CC2D2B: variants seen among roughly 807,000 people sequenced by gnomAD.
CC2D2B encodes protein CC2D2B.
Under a neutral mutation model 161.2 loss-of-function variants are expected in CC2D2B, and 128 were observed. The observed-to-expected ratio is 0.79, with a 90% confidence interval of 0.69 to 0.92. The LOEUF is 0.92. CC2D2B is among the 40% of genes least tolerant of loss of function. The probability of loss-of-function intolerance (pLI) is 0.00; values close to 1 mark genes in which losing one functional copy is unlikely to be tolerated. For synonymous variants in CC2D2B, 391 were observed against 449.8 expected (o/e 0.87, Z 1.65); for missense variants, 1,173 against 1,375.1 (o/e 0.85, Z 2.32).
chr10:95,962,955 AC>A (rs957900905), intron 12 of CC2D2B, among the ~76,000 whole-genome samples: 5 of 152,092 alleles, frequency 3.3e-5, no homozygotes, highest in African/African-American at 9.7e-5. Flanking sequence ...TCGTAGGGTT[AC>A]CCAGAACAAT....
chr10:95,949,873 G>T, intron 9 of CC2D2B, 23 bp from the exon 10 acceptor site: 1 of 398,406 alleles, frequency 2.5e-6, no homozygotes, highest in East Asian at 3.6e-5. Flanking sequence ...AATTAACATT[G>T]TGCACTTATT....
chr10:95,950,756 TAA>T (rs2076372287), intron 10 of CC2D2B, among the ~76,000 whole-genome samples: 1 of 152,204 alleles, frequency 6.6e-6, no homozygotes, highest in Non-Finnish European at 1.5e-5. Flanking sequence ...GCCGTCTCAA[TAA>T]ACTGGACATG....
rs1446589056 is a variant in CC2D2B at position 95,948,187 on chromosome 10, C to T, written c.802-1709C>T. On this transcript the variant is annotated intron_variant, in intron 9 of 34. Coordinates refer to ENST00000646931, the MANE Select transcript of CC2D2B (RefSeq NM_001349008.3). ...GTTCATATGGAACCAAAAAAGAGCC[C>T]GCATCGCCAAGTCAATCCTAAGCCA... is the stretch of plus-strand genomic sequence containing the variant. Among the ~76,000 whole-genome samples the T allele has an allele frequency of 2.7e-5, 4 of 149,502 alleles. No individual in the cohort carries two copies. In the Admixed American group the frequency reaches 2.7e-4, roughly 10 times the overall value.
intron 6 of CC2D2B, among the ~76,000 whole-genome samples, chr10:95,931,086 A>G (rs1188619916): frequency 1.3e-5 from 2 of 152,126 alleles, no homozygotes; most frequent in Non-Finnish European, 2.9e-5. Context: ...CTATTCAGGG[A>G]TTCGACTTCT....
Position 95,995,362 on chromosome 10 carries a change from T to G in CC2D2B, c.2736T>G (p.His912Gln). 1 of 1,469,916 alleles carries G rather than the reference T, an allele frequency of 6.8e-7. No individual in the cohort carries two copies. Among genetic ancestry groups the G allele is most frequent in the Non-Finnish European group, 9.2e-7 (1 of 1,090,884 alleles). 91.1% of individuals were successfully genotyped at this position (1,469,916 alleles called of 1,614,324 possible). Residue 912 changes from histidine to glutamine, a missense_variant, in exon 23 of 35, where the codon CAT becomes CAG. By Grantham distance (24) the His-to-Gln change is conservative. Coordinates refer to ENST00000646931, the MANE Select transcript of CC2D2B (RefSeq NM_001349008.3). ...IKSVASDETL[H>Q]EDTVHPFVEV... ...CAGTAGCCTCAGATGAGACCTTACA[T>G]GAGGTAAGTATTTAACACTTCTATA... is the stretch of plus-strand genomic sequence containing the variant.
chr10:95,990,485 G>A (rs761982980), intron 20 of CC2D2B, among the ~76,000 whole-genome samples: 8 of 152,138 alleles, frequency 5.3e-5, no homozygotes, highest in Non-Finnish European at 5.9e-5. Context: ...AGCCTGCATC[G>A]TGCCAAGGGA....
At chr10:95,954,849 A>G (rs2076520612) in intron 10 of CC2D2B, among the ~76,000 whole-genome samples, 1 of 151,994 alleles carries the variant, frequency 6.6e-6, no homozygotes, top group African/African-American at 2.4e-5. Context: ...CGTCTCCTTT[A>G]TGTGTTTTAG....
chr10:95,932,620 A>G (rs1272538983), intron 6 of CC2D2B, among the ~76,000 whole-genome samples: 5 of 152,152 alleles, frequency 3.3e-5, no homozygotes, highest in African/African-American at 1.2e-4. Context: ...AAAGGATTTT[A>G]TTTCTCCTTA....
chr10:95,970,948 G>A (rs2077105505), intron 15 of CC2D2B, among the ~76,000 whole-genome samples: 2 of 152,058 alleles, frequency 1.3e-5, no homozygotes, highest in African/African-American at 4.8e-5. Context: ...TGCTTTCTTG[G>A]CTAATAAGTC....
intron 32 of CC2D2B, 109 bp downstream of exon 32, chr10:96,019,933 A>G (rs1047305936): frequency 3.0e-6 from 3 of 1,002,142 alleles, no homozygotes; most frequent in Non-Finnish European, 4.2e-6. Flanking sequence ...TTACTGAAAT[A>G]TTTGGCAATA....
chr10:95,971,657 T>C (rs961467655), intron 15 of CC2D2B, among the ~76,000 whole-genome samples: 3 of 152,172 alleles, frequency 2.0e-5, no homozygotes, highest in Admixed American at 6.5e-5. Context: ...CAACCACTTA[T>C]AATAAAAACA....
chr10:96,003,021 A>AATATATATATATATATAT (rs57187442), intron 24 of CC2D2B, among the ~76,000 whole-genome samples: 257 of 140,606 alleles, frequency 1.8e-3, no homozygotes, highest in African/African-American at 2.7e-3. Flanking sequence ...AAAATAAATA[A>AATATATATATATATATAT]ATATATATAT....
chr10:95,956,269 C>T (rs2076563683), intron 11 of CC2D2B, among the ~76,000 whole-genome samples: 1 of 152,058 alleles, frequency 6.6e-6, no homozygotes, highest in Non-Finnish European at 1.5e-5. Flanking sequence ...TTACAGTTTA[C>T]AACCTCTTCT....
At chr10:96,004,359 A>G in intron 25 of CC2D2B, 111 bp downstream of exon 25, 2 of 606,598 alleles carry the variant, frequency 3.3e-6, no homozygotes, top group Non-Finnish European at 5.7e-6. Flanking sequence ...TCTACATCCA[A>G]CATTTTCTTG....
intron 4 of CC2D2B, 105 bp from the exon 5 acceptor site, chr10:95,924,674 A>T: frequency 1.3e-6 from 1 of 768,032 alleles, no homozygotes. Context: ...CACACTTTTT[A>T]AAAGAAAAAC....
intron 24 of CC2D2B, among the ~76,000 whole-genome samples, chr10:96,003,580 G>A (rs945252780): frequency 7.9e-6 from 1 of 127,028 alleles, no homozygotes; most frequent in African/African-American, 3.0e-5. Context: ...CACCAGGCCC[G>A]GCTAATTGTG....
chr10:96,029,266 A>ATATG (rs1564689087), intron 34 of CC2D2B, among the ~76,000 whole-genome samples: 3 of 68,090 alleles, frequency 4.4e-5, no homozygotes, highest in Admixed American at 1.7e-4. Context: ...ATATATATAT[A>ATATG]TATATATATA....
At chr10:95,996,276 T>A in intron 24 of CC2D2B, 24 bp downstream of exon 24, 1 of 1,044,780 alleles carries the variant, frequency 9.6e-7, no homozygotes, top group Non-Finnish European at 1.4e-6. Context: ...CATTTTTCCA[T>A]AGCTCCTAAA....
At chr10:95,976,774 G>A (rs1014903841) in intron 17 of CC2D2B, among the ~76,000 whole-genome samples, 2 of 152,214 alleles carry the variant, frequency 1.3e-5, no homozygotes, top group Non-Finnish European at 2.9e-5. Flanking sequence ...TTAAGACAGA[G>A]CTTCGCTCTT....
Sources: allele counts gnomAD v4.1 joint callset (sites outside exome capture counted in the v4.1 genomes callset), GRCh38; gene constraint gnomAD v4.1.1; transcripts MANE v1.5; gene names NCBI Gene and HGNC (gene_info 2026-07-23, HGNC 2026-07-21).